ELMO1: variants seen among roughly 807,000 people sequenced by gnomAD.
The protein encoded by ELMO1 is engulfment and cell motility 1.
In ELMO1, 26 loss-of-function variants were observed where a neutral mutation model predicts 98.9. The ratio of observed to expected loss-of-function variants is 0.26; its 90% CI spans 0.19 to 0.36. The LOEUF (loss-of-function observed/expected upper bound fraction) is 0.36, where lower values mean the gene tolerates loss of function less well. Among genes scored for constraint, ELMO1 ranks in the 10% least tolerant of loss-of-function variants. ELMO1 has a pLI of 1.00. For synonymous variants in ELMO1, 346 were observed against 346.0 expected (o/e 1.00, Z 0.00); for missense variants, 627 against 935.2 (o/e 0.67, Z 4.30).
At chr7:37,219,039 G>GC (rs1416596981) in intron 10 of ELMO1, among the ~76,000 whole-genome samples, 2 of 152,178 alleles carry the variant, frequency 1.3e-5, no homozygotes, top group Non-Finnish European at 2.9e-5. Flanking sequence ...GGATCCATTT[G>GC]CCCGCCTAAC....
At chr7:37,149,816 A>C (rs1244142003) in intron 13 of ELMO1, among the ~76,000 whole-genome samples, 1 of 152,226 alleles carries the variant, frequency 6.6e-6, no homozygotes, top group Non-Finnish European at 1.5e-5. Flanking sequence ...TCAAAATCTT[A>C]ATTAACAAAG....
intron 13 of ELMO1, among the ~76,000 whole-genome samples, chr7:37,174,061 T>C (rs1157652086): frequency 2.0e-5 from 3 of 152,212 alleles, no homozygotes; most frequent in Non-Finnish European, 2.9e-5. Context: ...AATTACCTCA[T>C]CAAATTCCTT....
intron 4 of ELMO1, among the ~76,000 whole-genome samples, chr7:37,294,588 CACACAA>C (rs1797936344): frequency 6.6e-6 from 1 of 152,162 alleles, no homozygotes; most frequent in African/African-American, 2.4e-5. Context: ...TAAACAGCCC[CACACAA>C]ATACATGCAT....
At chr7:37,379,333 G>T (rs1014702402) in intron 1 of ELMO1, among the ~76,000 whole-genome samples, 1 of 152,058 alleles carries the variant, frequency 6.6e-6, no homozygotes, top group Non-Finnish European at 1.5e-5. Flanking sequence ...GAGCCACCGC[G>T]CCCGGCCTCA....
intron 14 of ELMO1, among the ~76,000 whole-genome samples, chr7:37,118,705 C>G (rs1308111311): frequency 6.6e-6 from 1 of 152,162 alleles, no homozygotes. Context: ...TCAACGGGCA[C>G]TAACTCGAGT....
Position 37,086,762 on chromosome 7 carries a change from A to G in ELMO1, c.1300+9857T>C, listed in dbSNP as rs962266261. Among the ~76,000 whole-genome samples the G allele has an allele frequency of 9.4e-5, 12 of 128,082 alleles. 1 individual carries two copies. Among genetic ancestry groups the G allele is most frequent in the East Asian group, 2.0e-4 (1 of 5,110 alleles). The allele number at this position is 128,082 out of a possible 152,430, so 84.0% of individuals were successfully genotyped here. A position where few individuals can be genotyped will look rare whatever the true frequency, so the allele number is the denominator to read the frequency against. On this transcript the variant is annotated intron_variant, in intron 15 of 21. Coordinates refer to ENST00000310758, the MANE Select transcript of ELMO1 (RefSeq NM_014800.11). Reference sequence around the variant, plus strand: ...TGTCTCCAAAAAAAAAAAAAAAAAAAAAAGAAATCTTTGAACTTTCTTGCC... The same window carrying G: ...TGTCTCCAAAAAAAAAAAAAAAAAAGAAAGAAATCTTTGAACTTTCTTGCC...
chr7:37,404,427 G>A (rs1210258256), intron 1 of ELMO1, among the ~76,000 whole-genome samples: 1 of 152,168 alleles, frequency 6.6e-6, no homozygotes, highest in African/African-American at 2.4e-5. Flanking sequence ...CATTGGCACA[G>A]CTTTCTGGTG....
chr7:37,341,129 T>C (rs1448712962), intron 2 of ELMO1, among the ~76,000 whole-genome samples: 1 of 52,626 alleles, frequency 1.9e-5, no homozygotes, highest in East Asian at 3.7e-4. Context: ...ATTTCTAATG[T>C]GCTTTCGGGT....
At chr7:37,438,126 C>G (rs774256058) in intron 1 of ELMO1, among the ~76,000 whole-genome samples, 2 of 152,130 alleles carry the variant, frequency 1.3e-5, no homozygotes, top group Admixed American at 6.5e-5. Context: ...TCTTTCCCTG[C>G]CAACCCCACC....
chr7:37,153,852 C>T (rs978525108), intron 13 of ELMO1, among the ~76,000 whole-genome samples: 8 of 152,190 alleles, frequency 5.3e-5, no homozygotes, highest in African/African-American at 9.7e-5. Flanking sequence ...ACTGCCTCCT[C>T]AAGCAGGTCC....
Position 37,150,268 on chromosome 7 carries a change from T to C in ELMO1, c.1087-17034A>G, listed in dbSNP as rs571623175. Among the ~76,000 whole-genome samples, 32 of 99,214 alleles carry C rather than the reference T, an allele frequency of 3.2e-4. No homozygotes were observed. In the South Asian group the frequency reaches 0.011, roughly 35 times the overall value. 65.1% of individuals were successfully genotyped at this position (99,214 alleles called of 152,430 possible). The stretch of plus-strand genomic sequence containing the variant: ...TTGGTCTCTTTTTTACAACAGGCTA[T>C]GCGGAATTCTTTTTTTTTTTTTCTT... On this transcript the variant is annotated intron_variant, in intron 13 of 21. Coordinates refer to ENST00000310758, the MANE Select transcript of ELMO1 (RefSeq NM_014800.11).
chr7:37,374,545 A>G (rs992931069), intron 1 of ELMO1, among the ~76,000 whole-genome samples: 2 of 150,034 alleles, frequency 1.3e-5, no homozygotes, highest in Non-Finnish European at 3.0e-5. Context: ...AGGTCAGGAG[A>G]TCAAGACCAT....
intron 15 of ELMO1, among the ~76,000 whole-genome samples, chr7:37,061,571 G>A (rs1796669290): frequency 6.6e-6 from 1 of 152,110 alleles, no homozygotes; most frequent in Admixed American, 6.6e-5. Flanking sequence ...ACATTGAGGT[G>A]GACTAGTGGA....
intron 1 of ELMO1, among the ~76,000 whole-genome samples, chr7:37,403,393 C>CT (rs1403168513): frequency 6.6e-6 from 1 of 152,004 alleles, no homozygotes; most frequent in African/African-American, 2.4e-5. Context: ...CCCCCCAACT[C>CT]TGAAAAAAAA....
chr7:37,128,663 T>G (rs1049663877), intron 14 of ELMO1, among the ~76,000 whole-genome samples: 93 of 152,094 alleles, frequency 6.1e-4, no homozygotes, highest in African/African-American at 2.2e-3. Context: ...AAATATACCT[T>G]TATAACTGTT....
chr7:37,309,231 A>G (rs1430249079), intron 4 of ELMO1, among the ~76,000 whole-genome samples: 2 of 152,286 alleles, frequency 1.3e-5, no homozygotes, highest in African/African-American at 2.4e-5. Flanking sequence ...CAAGAGAGGG[A>G]ATGAAAATCA....
chr7:36,887,502 C>T (rs1805130380), intron 18 of ELMO1, 58 bp downstream of exon 18: 5 of 1,513,860 alleles, frequency 3.3e-6, no homozygotes, highest in Non-Finnish European at 4.6e-6. Flanking sequence ...TTGTGATTCT[C>T]CAGGGAGCGG....
chr7:37,283,960 C>T (rs964181367), intron 4 of ELMO1, among the ~76,000 whole-genome samples: 16 of 152,194 alleles, frequency 1.1e-4, no homozygotes, highest in African/African-American at 3.9e-4. Flanking sequence ...CTGGAGGCCA[C>T]AGCTTCTTTT....
At chr7:37,320,933 T>TA (rs1187177459) in intron 2 of ELMO1, among the ~76,000 whole-genome samples, 1 of 152,234 alleles carries the variant, frequency 6.6e-6, no homozygotes, top group African/African-American at 2.4e-5. Flanking sequence ...CATAAGCTGT[T>TA]AGACACTGAA....
Sources: gnomAD v4.1 joint callset for allele counts (sites outside exome capture counted in the v4.1 genomes callset) on GRCh38, gnomAD v4.1.1 for gene constraint, MANE v1.5 for transcripts, NCBI Gene and HGNC (gene_info 2026-07-23, HGNC 2026-07-21) for gene names.